Variants in CTNNA3 observed in about 807,000 individuals in gnomAD.
The protein encoded by CTNNA3 is catenin alpha-3.
A neutral mutation model predicts 95.7 loss-of-function variants in CTNNA3; 76 were observed. That is an observed-to-expected ratio of 0.79 (90% CI 0.66 to 0.96). The LOEUF (loss-of-function observed/expected upper bound fraction) is 0.96. CTNNA3 is among the 40% of genes least tolerant of loss of function. CTNNA3 has a pLI of 0.00. For synonymous variants in CTNNA3, 431 were observed against 374.4 expected, an observed-to-expected ratio of 1.15 and a Z score of -1.74; for missense variants, 1,191 against 1,089.8, an observed-to-expected ratio of 1.09 and a Z score of -1.31.
At chr10:66,846,833 C>T (rs1192572379) in intron 7 of CTNNA3, among the ~76,000 whole-genome samples, 3 of 152,108 alleles carry the variant, frequency 2.0e-5, no homozygotes, top group Non-Finnish European at 2.9e-5. Context: ...AATCCAGTTA[C>T]AGAGCCAGGG....
chr10:66,605,243 T>A (rs190043888), intron 10 of CTNNA3, among the ~76,000 whole-genome samples: 3 of 151,186 alleles, frequency 2.0e-5, no homozygotes, highest in Non-Finnish European at 1.5e-5. Flanking sequence ...AATAAGACAG[T>A]CAGAAAAGAA....
At chr10:67,204,046 T>G (rs953965544) in intron 6 of CTNNA3, among the ~76,000 whole-genome samples, 1 of 152,152 alleles carries the variant, frequency 6.6e-6, no homozygotes, top group East Asian at 1.9e-4. Flanking sequence ...GAAGAAAATA[T>G]GAACTTAGGA....
intron 5 of CTNNA3, among the ~76,000 whole-genome samples, chr10:67,417,861 G>A (rs1426812814): frequency 6.6e-6 from 1 of 152,056 alleles, no homozygotes; most frequent in Non-Finnish European, 1.5e-5. Flanking sequence ...TATTGGCGAA[G>A]CATAATTCAA....
At chr10:65,993,818 C>T (rs1468925792) in intron 15 of CTNNA3, among the ~76,000 whole-genome samples, 1 of 152,154 alleles carries the variant, frequency 6.6e-6, no homozygotes, top group Admixed American at 6.6e-5. Flanking sequence ...TCACTGCAAC[C>T]TCCACCTCCT....
At chr10:66,448,578 C>CA (rs756449159) in intron 11 of CTNNA3, among the ~76,000 whole-genome samples, 4 of 144,176 alleles carry the variant, frequency 2.8e-5, no homozygotes, top group Non-Finnish European at 6.0e-5. Flanking sequence ...CTCGCAAGGA[C>CA]AAAAAACCAA....
intron 7 of CTNNA3, among the ~76,000 whole-genome samples, chr10:67,084,797 G>A (rs753740438): frequency 6.6e-5 from 10 of 151,874 alleles, no homozygotes; most frequent in East Asian, 1.9e-4. Context: ...CCTAGACTAC[G>A]TTTATAAATT....
At chr10:67,610,448 T>G (rs1352021385) in intron 2 of CTNNA3, among the ~76,000 whole-genome samples, 1 of 152,126 alleles carries the variant, frequency 6.6e-6, no homozygotes, top group Non-Finnish European at 1.5e-5. Flanking sequence ...TCAAGTGAGG[T>G]TTTCAATGAT....
intron 11 of CTNNA3, among the ~76,000 whole-genome samples, chr10:66,390,647 C>T (rs1345196390): frequency 1.3e-5 from 2 of 152,030 alleles, no homozygotes; most frequent in Non-Finnish European, 2.9e-5. Flanking sequence ...AACAAGAATA[C>T]AGTAATTTTT....
At chr10:67,501,782 G>T (rs12246472) in intron 5 of CTNNA3, among the ~76,000 whole-genome samples, 10,962 of 152,064 alleles carry the variant, frequency 0.072, 479 homozygotes, top group South Asian at 0.14. Context: ...GTATGCTTCA[G>T]GAAGTTTTCA....
intron 2 of CTNNA3, among the ~76,000 whole-genome samples, chr10:67,609,356 C>A (rs1194727934): frequency 6.6e-6 from 1 of 152,060 alleles, no homozygotes; most frequent in East Asian, 1.9e-4. Flanking sequence ...ATGCTTCCTG[C>A]TCAGTAGTCC....
At chr10:66,360,818 T>TTTC (rs1377485780) in intron 12 of CTNNA3, among the ~76,000 whole-genome samples, 1 of 71,160 alleles carries the variant, frequency 1.4e-5, no homozygotes, top group South Asian at 5.6e-4. Flanking sequence ...CCTTCCTTCC[T>TTTC]TTCTTTCTTT....
intron 5 of CTNNA3, among the ~76,000 whole-genome samples, chr10:67,431,538 C>T (rs2132898524): frequency 6.6e-6 from 1 of 152,000 alleles, no homozygotes; most frequent in East Asian, 1.9e-4. Context: ...GGTAGTCTGG[C>T]CCCATGTAGA....
At chr10:67,663,108 C>A (rs962101328) in intron 1 of CTNNA3, among the ~76,000 whole-genome samples, 1 of 152,146 alleles carries the variant, frequency 6.6e-6, no homozygotes, top group East Asian at 1.9e-4. Context: ...CTAAACCCTA[C>A]CTAACTTCTT....
chr10:65,966,780 C>G (rs757914324), intron 16 of CTNNA3, 34 bp from the exon 17 acceptor site: 2 of 1,537,266 alleles, frequency 1.3e-6, no homozygotes, highest in Non-Finnish European at 1.8e-6. Flanking sequence ...ATAGATACAG[C>G]AGAATAAATA....
At chr10:66,918,813 GATAA>G (rs1286270287) in intron 7 of CTNNA3, among the ~76,000 whole-genome samples, 1 of 151,838 alleles carries the variant, frequency 6.6e-6, no homozygotes, top group African/African-American at 2.4e-5. Flanking sequence ...TGTGTAGATA[GATAA>G]ATAGAGAGAG....
intron 10 of CTNNA3, among the ~76,000 whole-genome samples, chr10:66,621,064 A>G (rs990415842): frequency 6.6e-6 from 1 of 152,304 alleles, no homozygotes. Context: ...CACTCTTCAG[A>G]TTTTAAGAAA....
intron 5 of CTNNA3, among the ~76,000 whole-genome samples, chr10:67,313,089 T>A (rs973880650): frequency 2.0e-5 from 3 of 152,150 alleles, no homozygotes; most frequent in Non-Finnish European, 2.9e-5. Context: ...TATAAGCTGT[T>A]ATTGATAGTA....
intron 2 of CTNNA3, among the ~76,000 whole-genome samples, chr10:67,620,754 G>A (rs1393773946): frequency 2.6e-5 from 4 of 151,888 alleles, no homozygotes; most frequent in Admixed American, 6.6e-5. Flanking sequence ...TTAAATTAAC[G>A]AAATATGGTA....
chr10:67,646,788 A>G (rs1839727283), intron 2 of CTNNA3, among the ~76,000 whole-genome samples: 1 of 152,074 alleles, frequency 6.6e-6, no homozygotes, highest in South Asian at 2.1e-4. Flanking sequence ...ATTTAAATCT[A>G]TACCACTGCA....
Sources: gnomAD v4.1 joint callset for allele counts (sites outside exome capture counted in the v4.1 genomes callset) on GRCh38, gnomAD v4.1.1 for gene constraint, MANE v1.5 for transcripts, NCBI Gene and HGNC (gene_info 2026-07-23, HGNC 2026-07-21) for gene names.